The following TRIM77 variants were observed in gnomAD, a reference collection of about 807,000 sequenced individuals.
The protein encoded by TRIM77 is tripartite motif containing 77, also known as tripartite motif-containing protein 77.
Under a neutral mutation model 31.8 loss-of-function variants are expected in TRIM77, and 23 were observed. The observed-to-expected ratio is 0.72, with a 90% CI of 0.52 to 1.02. The LOEUF (loss-of-function observed/expected upper bound fraction) is 1.02, where lower values mean the gene tolerates loss of function less well. Among genes scored for constraint, TRIM77 ranks in the 50% least tolerant of loss-of-function variants. The probability of loss-of-function intolerance (pLI) is 0.00; values close to 1 mark genes in which losing one functional copy is unlikely to be tolerated. For synonymous variants in TRIM77, 159 were observed against 183.1 expected, an observed-to-expected ratio of 0.87 and a Z score of 1.06; for missense variants, 446 against 539.2, an observed-to-expected ratio of 0.83 and a Z score of 1.71.
chr11:89,715,235 TC>T, intron 4 of TRIM77, 55 bp downstream of exon 4: 1 of 1,490,570 alleles, frequency 6.7e-7, no homozygotes, highest in Middle Eastern at 1.7e-4. Context: ...TCAGGCTGTT[TC>T]TGCTGGGATC....
rs1226662242 is a variant in TRIM77 at position 89,714,354 on chromosome 11, A to G, written c.670A>G (p.Ile224Val). The change falls in exon 3 of 6, where the codon ATA becomes GTA. Residue 224 changes from isoleucine (I) to valine (V), a missense_variant. Physicochemically the swap from Ile to Val is conservative, Grantham distance 29. Coordinates refer to ENST00000398290, the MANE Select transcript of TRIM77 (RefSeq NM_001146162.1). ...TCAAACTAGAATGGCTAAGATGGGT[A>G]TACTCCTGAGAGAAATGTATGAGAA... ...RSQTRMAKMG[I>V]LLREMYEKLK... 2 of 1,551,650 alleles carry G rather than the reference A, an allele frequency of 1.3e-6. No individual in the cohort carries two copies. Among genetic ancestry groups the G allele is most frequent in the Non-Finnish European group, 1.7e-6 (2 of 1,147,004 alleles).
chr11:89,714,261 G>C lies in TRIM77; in HGVS notation c.577G>C (p.Glu193Gln), dbSNP rs566362215. The C allele has an allele frequency of 6.4e-7, 1 of 1,551,676 alleles. No individual in the cohort carries two copies. The highest frequency in any genetic ancestry group is 1.2e-5 in the South Asian group (1 of 84,046). The change falls in exon 3 of 6, where the codon GAA (glutamate) becomes CAA (glutamine). Residue 193 changes from glutamate (E) to glutamine (Q), a missense_variant. By Grantham distance (29) the Glu-to-Gln change is conservative. Transcript: ENST00000398290. ...YPKVCQYLREEEQKHVESLAR... is the reference protein window; with the variant it reads ...YPKVCQYLREQEQKHVESLAR... The stretch of plus-strand genomic sequence containing the variant: ...TAAGGTGTGTCAATACCTCCGTGAA[G>C]AAGAGCAAAAGCACGTAGAGAGCCT...
intron 2 of TRIM77, 92 bp downstream of exon 2, chr11:89,711,597 A>G: frequency 1.5e-6 from 1 of 660,894 alleles, no homozygotes; most frequent in Non-Finnish European, 2.6e-6. Context: ...TGTCCCCTGA[A>G]TAGGATGATC....
rs754577046 is a variant in TRIM77 at position 89,715,885 on chromosome 11, T to C, written c.762-5T>C. On this transcript the variant is annotated splice_region_variant and splice_polypyrimidine_tract_variant and intron_variant, in intron 4 of 5. Transcript: ENST00000398290. Reference sequence around the variant, plus strand: ...GTAATTAAAAGTAGGTATTTTTCTTTGCAGGAATGAGTTTCTGAGGCTGGC... The same window carrying C: ...GTAATTAAAAGTAGGTATTTTTCTTCGCAGGAATGAGTTTCTGAGGCTGGC... 13 of 1,523,968 alleles carry C rather than the reference T, an allele frequency of 8.5e-6. No individual in the cohort carries two copies. In the African/African-American group the frequency reaches 1.2e-4, roughly 15 times the overall value. The allele number at this position is 1,523,968 out of a possible 1,614,324, so 94.4% of individuals were successfully genotyped here.
chr11:89,714,046 A>G (rs1402737349), intron 2 of TRIM77, 146 bp from the exon 3 acceptor site: 1 of 555,258 alleles, frequency 1.8e-6, no homozygotes, highest in East Asian at 3.0e-5. Flanking sequence ...GGAGGAAGAA[A>G]GGAAGATTTA....
At position 89,711,483 on chromosome 11, in the gene TRIM77, C is replaced by T. The variant is rs778245875; in HGVS notation, c.485C>T (p.Thr162Ile). 6.6e-7 allele frequency: 1 copy of T among 1,514,772 alleles called. No individual in the cohort carries two copies. The highest frequency in any genetic ancestry group is 1.4e-5 in the African/African-American group (1 of 70,318). 93.8% of individuals were successfully genotyped at this position (1,514,772 alleles called of 1,614,324 possible). The change falls in exon 2 of 6, where the codon ACC becomes ATC. Residue 162 changes from threonine (T) to isoleucine (I), a missense_variant. Transcript: ENST00000398290. ...QKNQRNLNRE[T>I]NIIGTWEVFI... ...AATCAAAGAAATCTAAACAGAGAGACCAACATAATCGGAACATGGGAAGTA... is the reference window on the plus strand; with the variant it reads ...AATCAAAGAAATCTAAACAGAGAGATCAACATAATCGGAACATGGGAAGTA...
At position 89,717,476 on chromosome 11, in the gene TRIM77, C is replaced by T. The variant is rs1447482816; in HGVS notation, c.957C>T (p.Ser319=). ...LQCSLDDTDM[S]CNPTSTQYTS... ...GCAGCCTTGATGATACAGACATGTCCTGTAATCCAACAAGTACACAGTATA... is the reference window on the plus strand; with the variant it reads ...GCAGCCTTGATGATACAGACATGTCTTGTAATCCAACAAGTACACAGTATA... Residue 319 remains serine, a synonymous_variant, in exon 6 of 6, where the codon TCC becomes TCT. Transcript: ENST00000398290. 74 of 1,551,424 alleles carry T rather than the reference C, an allele frequency of 4.8e-5. No homozygotes were observed. Among genetic ancestry groups the T allele is most frequent in the Non-Finnish European group, 6.3e-5 (72 of 1,146,914 alleles).
intron 2 of TRIM77, among the ~76,000 whole-genome samples, chr11:89,713,126 G>A (rs1949133700): frequency 6.6e-6 from 1 of 151,718 alleles, no homozygotes; most frequent in Non-Finnish European, 1.5e-5. Flanking sequence ...ACAAAAATTA[G>A]CTGGGCATGG....
intron 2 of TRIM77, among the ~76,000 whole-genome samples, chr11:89,713,559 G>A (rs796096542): frequency 1.3e-5 from 2 of 151,262 alleles, no homozygotes; most frequent in African/African-American, 4.8e-5. Flanking sequence ...GAAAGACAGA[G>A]ACAGAAAATC....
intron 2 of TRIM77, among the ~76,000 whole-genome samples, chr11:89,713,909 G>T (rs959548676): frequency 6.6e-6 from 1 of 151,742 alleles, no homozygotes; most frequent in Non-Finnish European, 1.5e-5. Flanking sequence ...GAAGAGGTTA[G>T]AACATTATAT....
At chr11:89,711,375 T>G in intron 1 of TRIM77, 35 bp from the exon 2 acceptor site, 1 of 1,123,028 alleles carries the variant, frequency 8.9e-7, no homozygotes, top group Non-Finnish European at 1.3e-6. Flanking sequence ...TATATTTTCT[T>G]TTCTAGTGCT....
In TRIM77 at chr11:89,711,563, G is replaced by A. The variant is rs532657782; in HGVS notation, c.507+58G>A. On this transcript the variant is annotated intron_variant, in intron 2 of 5. Transcript: ENST00000398290. ...TTTGGAATAGAAAATGTGACTTGTG[G>A]GAGAAGAACTTGAGTTAACCATGTG... 7.7e-5 allele frequency: 72 copies of A among 932,288 alleles called. No individual in the cohort carries two copies. In the East Asian group the frequency reaches 2.0e-3, roughly 26 times the overall value. 57.8% of individuals were successfully genotyped at this position (932,288 alleles called of 1,614,324 possible).
Position 89,715,185 on chromosome 11 carries a change from G to A in TRIM77, c.761+5G>A, listed in dbSNP as rs1591485439. ...TTTGGGAGACGTAATGAAAAGGTAAGTTTGCCCCTCTATCCAAGTCCTGGT... is the reference window on the plus strand; with the variant it reads ...TTTGGGAGACGTAATGAAAAGGTAAATTTGCCCCTCTATCCAAGTCCTGGT... On this transcript the variant is annotated splice_donor_5th_base_variant and intron_variant, in intron 4 of 5. Transcript: ENST00000398290. The A allele has an allele frequency of 3.2e-6, 5 of 1,551,556 alleles. No individual in the cohort carries two copies. The highest frequency in any genetic ancestry group is 4.4e-6 in the Non-Finnish European group (5 of 1,146,756).
chr11:89,713,771 G>C (rs1449439946), intron 2 of TRIM77, among the ~76,000 whole-genome samples: 1 of 152,058 alleles, frequency 6.6e-6, no homozygotes, highest in South Asian at 2.1e-4. Flanking sequence ...TAAAAGCACC[G>C]AGTGTTTTGG....
chr11:89,715,189 G>A lies in TRIM77; in HGVS notation c.761+9G>A, dbSNP rs1223641418. 4 of 1,551,408 alleles carry A rather than the reference G, an allele frequency of 2.6e-6. No individual in the cohort carries two copies. The South Asian group carries it at 3.6e-5, about 14-fold the overall frequency. On this transcript the variant is annotated intron_variant, in intron 4 of 5. Coordinates refer to ENST00000398290, the MANE Select transcript of TRIM77 (RefSeq NM_001146162.1). ...GGAGACGTAATGAAAAGGTAAGTTTGCCCCTCTATCCAAGTCCTGGTAATT... is the reference window on the plus strand; with the variant it reads ...GGAGACGTAATGAAAAGGTAAGTTTACCCCTCTATCCAAGTCCTGGTAATT...
At chr11:89,713,456 AATAATAAT>A (rs1565425768) in intron 2 of TRIM77, among the ~76,000 whole-genome samples, 4,673 of 19,026 alleles carry the variant, frequency 0.25, 141 homozygotes, top group Non-Finnish European at 0.28. Flanking sequence ...ACCTTGTCTC[AATAATAAT>A]AATAATAATA....
chr11:89,710,316 G>A lies in TRIM77; in HGVS notation c.18G>A (p.Thr6=), dbSNP rs1300118246. 6.6e-6 allele frequency: 10 copies of A among 1,525,878 alleles called. No homozygotes were observed. Among genetic ancestry groups the A allele is most frequent in the Middle Eastern group, 1.7e-4 (1 of 5,920 alleles). 94.5% of individuals were successfully genotyped at this position (1,525,878 alleles called of 1,614,324 possible). Residue 6 remains threonine, a synonymous_variant, in exon 1 of 6, where the codon ACG becomes ACA. Coordinates refer to ENST00000398290, the MANE Select transcript of TRIM77 (RefSeq NM_001146162.1). ...TCAGAAACATGGCTTCTGCTATCAC[G>A]CAGTGTTCTACCAGTGAGCTCACCT... The part of the protein sequence containing the change: MASAI[T]QCSTSELTCS...
At chr11:89,713,232 T>G (rs1311364484) in intron 2 of TRIM77, among the ~76,000 whole-genome samples, 1 of 136,566 alleles carries the variant, frequency 7.3e-6, no homozygotes, top group Non-Finnish European at 1.5e-5. Flanking sequence ...GCTGAGATCA[T>G]GCCACTGCAC....
intron 5 of TRIM77, among the ~76,000 whole-genome samples, chr11:89,716,567 G>A (rs1009306261): frequency 6.6e-6 from 1 of 152,166 alleles, no homozygotes; most frequent in Non-Finnish European, 1.5e-5. Flanking sequence ...ATATAGAAGA[G>A]AGGCAGCCAT....
Sources: gnomAD v4.1 joint callset for allele counts (sites outside exome capture counted in the v4.1 genomes callset) on GRCh38, gnomAD v4.1.1 for gene constraint, MANE v1.5 for transcripts, NCBI Gene and HGNC (gene_info 2026-07-23, HGNC 2026-07-21) for gene names.